CSF2RB: variants seen among roughly 807,000 people sequenced by gnomAD.
The protein encoded by CSF2RB is colony stimulating factor 2 receptor subunit beta, also known as cytokine receptor common subunit beta.
A neutral mutation model predicts 67.2 loss-of-function variants in CSF2RB; 22 were observed. The observed-to-expected ratio is 0.33, with a 90% confidence interval of 0.23 to 0.47. The LOEUF (loss-of-function observed/expected upper bound fraction) is 0.47, where lower values mean the gene tolerates loss of function less well. Among genes scored for constraint, CSF2RB ranks in the 20% least tolerant of loss-of-function variants. The probability of loss-of-function intolerance (pLI) is 1.00; values close to 1 mark genes in which losing one functional copy is unlikely to be tolerated. For missense variants in CSF2RB, 1,113 were observed against 1,174.5 expected (o/e 0.95, Z 0.76); for synonymous variants, 507 against 482.9 (o/e 1.05, Z -0.65).
chr22:36,920,835 T>C (rs1940843407), intron 1 of CSF2RB, among the ~76,000 whole-genome samples: 1 of 152,216 alleles, frequency 6.6e-6, no homozygotes, highest in Admixed American at 6.5e-5. Context: ...TGGTGTAAAA[T>C]GGGGTTTTAG....
chr22:36,940,395 A>G lies in CSF2RB; in HGVS notation c.*1893A>G, dbSNP rs1316341681. ...GATATTAATTCCAAAATATCCAGAC[A>G]TTGTTAAAGGGAAAAAATTGCAATA... On this transcript the variant is annotated 3_prime_UTR_variant, in exon 14 of 14. Coordinates refer to ENST00000403662, the MANE Select transcript of CSF2RB (RefSeq NM_000395.3). 6.6e-6 allele frequency: 1 copy of G among 152,254 alleles called. No homozygotes were observed. The highest frequency in any genetic ancestry group is 1.5e-5 in the Non-Finnish European group (1 of 68,052). The allele number at this position is 152,254 out of a possible 1,614,324, so 9.4% of individuals were successfully genotyped here.
chr22:36,916,753 G>C (rs767238482), intron 1 of CSF2RB, among the ~76,000 whole-genome samples: 2 of 152,114 alleles, frequency 1.3e-5, no homozygotes, highest in African/African-American at 2.4e-5. Flanking sequence ...CAGCTACTTG[G>C]GATGCTGAAG....
chr22:36,936,027 C>T (rs1941258896), intron 12 of CSF2RB, among the ~76,000 whole-genome samples: 1 of 152,168 alleles, frequency 6.6e-6, no homozygotes, highest in African/African-American at 2.4e-5. Flanking sequence ...GGACAAGATA[C>T]CTGGGCTGAG....
chr22:36,922,861 A>G (rs377571537), intron 2 of CSF2RB: 14 of 336,974 alleles, frequency 4.2e-5, no homozygotes, highest in African/African-American at 2.6e-4. Flanking sequence ...GCAGGGTAGA[A>G]CTCTGCCACG....
Position 36,933,865 on chromosome 22 carries a change from A to T in CSF2RB, c.1186A>T (p.Ser396Cys). Residue 396 changes from serine to cysteine, a missense_variant, in exon 10 of 14, where the codon AGC (serine) becomes TGC (cysteine). Physicochemically the swap from Ser to Cys is moderately radical, Grantham distance 112 (BLOSUM62 -1). This residue lies in a region of CSF2RB where 559 missense variants were observed against 656.5 expected (regional missense o/e 0.85). Transcript: ENST00000403662. Reference sequence around the variant, plus strand: ...GACCGAGACCCTCCAGAACGCCCACAGCATGGCCCTGCCAGCCCTGGAGCC... The same window carrying T: ...GACCGAGACCCTCCAGAACGCCCACTGCATGGCCCTGCCAGCCCTGGAGCC... ...SKTETLQNAHSMALPALEPST... is the reference protein window; with the variant it reads ...SKTETLQNAHCMALPALEPST... 6.2e-7 allele frequency: 1 copy of T among 1,610,562 alleles called. No individual in the cohort carries two copies. Among genetic ancestry groups the T allele is most frequent in the Non-Finnish European group, 8.5e-7 (1 of 1,179,878 alleles).
intron 1 of CSF2RB, 52 bp from the exon 2 acceptor site, chr22:36,921,984 T>C (rs1463272549): frequency 6.7e-6 from 4 of 597,220 alleles, no homozygotes; most frequent in Non-Finnish European, 1.2e-5. Flanking sequence ...GCGGTGTCCC[T>C]GGGACACGTG....
intron 4 of CSF2RB, among the ~76,000 whole-genome samples, chr22:36,928,600 G>A (rs1197616066): frequency 2.0e-5 from 3 of 152,186 alleles, no homozygotes; most frequent in African/African-American, 4.8e-5. Flanking sequence ...ATCAGGTGCC[G>A]TGTCTTCATT....
chr22:36,922,310 C>T (rs2145781382), intron 2 of CSF2RB, 27 bp downstream of exon 2: 1 of 1,554,562 alleles, frequency 6.4e-7, no homozygotes, highest in Non-Finnish European at 8.7e-7. Context: ...CCACCCACTT[C>T]CCTGTCCCTG....
chr22:36,916,905 T>C (rs1016755181), intron 1 of CSF2RB, among the ~76,000 whole-genome samples: 3 of 152,166 alleles, frequency 2.0e-5, no homozygotes, highest in Non-Finnish European at 4.4e-5. Context: ...AAATTCCTTT[T>C]TGGAATTTTC....
Position 36,929,620 on chromosome 22 carries a change from A to G in CSF2RB, c.550-19A>G, listed in dbSNP as rs1435981274. 1 of 1,614,060 alleles carries G rather than the reference A, an allele frequency of 6.2e-7. No homozygotes were observed. ...GGATGGGCAGCACCCCTCCTCCAGC[A>G]CCCACTGTCTCCTGACAGGACGCAG... is the stretch of plus-strand genomic sequence containing the variant. On this transcript the variant is annotated intron_variant, in intron 5 of 13. Coordinates refer to ENST00000403662, the MANE Select transcript of CSF2RB (RefSeq NM_000395.3).
Position 36,939,363 on chromosome 22 carries a change from G to A in CSF2RB, c.*861G>A, listed in dbSNP as rs981957087. 17 of 683,198 alleles carry A rather than the reference G, an allele frequency of 2.5e-5. No individual in the cohort carries two copies. Among genetic ancestry groups the A allele is most frequent in the African/African-American group, 1.8e-4 (10 of 56,420 alleles). The allele number at this position is 683,198 out of a possible 1,614,324, so 42.3% of individuals were successfully genotyped here. Reference sequence around the variant, plus strand: ...AGTCAGGGGAAACTGCCAAACAAAGGAAAATGCCCCAAAGGCATATATGCT... The same window carrying A: ...AGTCAGGGGAAACTGCCAAACAAAGAAAAATGCCCCAAAGGCATATATGCT... On this transcript the variant is annotated 3_prime_UTR_variant, in exon 14 of 14. Transcript: ENST00000403662.
intron 12 of CSF2RB, among the ~76,000 whole-genome samples, chr22:36,935,916 G>A (rs948806115): frequency 6.6e-6 from 1 of 152,204 alleles, no homozygotes; most frequent in Non-Finnish European, 1.5e-5. Flanking sequence ...GAGCCCAGTG[G>A]AGAGAACTGA....
rs536866197 is a variant in CSF2RB at position 36,924,762 on chromosome 22, G to A, written c.201-1225G>A. Among the ~76,000 whole-genome samples, 749 of 152,226 alleles carry A rather than the reference G, an allele frequency of 4.9e-3. 5 individuals carry two copies. The highest frequency in any genetic ancestry group is 0.018 in the African/African-American group (731 of 41,534). ...GCCCCTGACAAGGAGGACCACCGCG[G>A]CCTCCCTGCAGTTTCTCTTGCACCT... On this transcript the variant is annotated intron_variant, in intron 3 of 13. Coordinates refer to ENST00000403662, the MANE Select transcript of CSF2RB (RefSeq NM_000395.3).
Position 36,939,242 on chromosome 22 carries a change from G to T in CSF2RB, c.*740G>T. ...GACCTCCAGTCCCTTGAGACCCCAC[G>T]TCATGTAGAGAAGTTAACGGCCCAA... On this transcript the variant is annotated 3_prime_UTR_variant, in exon 14 of 14. Transcript: ENST00000403662. 1 of 702,352 alleles carries T rather than the reference G, an allele frequency of 1.4e-6. No homozygotes were observed. Among genetic ancestry groups the T allele is most frequent in the Non-Finnish European group, 2.6e-6 (1 of 384,840 alleles). 43.5% of individuals were successfully genotyped at this position (702,352 alleles called of 1,614,324 possible). A position where few individuals can be genotyped will look rare whatever the true frequency, so the allele number is the denominator to read the frequency against.
At chr22:36,923,168 C>G (rs1940919884) in intron 2 of CSF2RB, 76 bp from the exon 3 acceptor site, 1 of 1,611,244 alleles carries the variant, frequency 6.2e-7, no homozygotes, top group East Asian at 2.2e-5. Flanking sequence ...GCGGGACATC[C>G]CAAAGCAGCT....
intron 8 of CSF2RB, among the ~76,000 whole-genome samples, chr22:36,932,338 G>A (rs1330045955): frequency 2.0e-5 from 3 of 151,574 alleles, no homozygotes; most frequent in Non-Finnish European, 4.4e-5. Flanking sequence ...GGGAGGCTGA[G>A]GCAGGAGAAT....
Position 36,938,745 on chromosome 22 carries a change from T to C in CSF2RB, c.*243T>C. On this transcript the variant is annotated 3_prime_UTR_variant, in exon 14 of 14. Coordinates refer to ENST00000403662, the MANE Select transcript of CSF2RB (RefSeq NM_000395.3). ...CATTTTTCCTGTCAGGTTAACTTATTTGTAGGTTCTGCATTATTAGAACTT... is the reference window on the plus strand; with the variant it reads ...CATTTTTCCTGTCAGGTTAACTTATCTGTAGGTTCTGCATTATTAGAACTT... 1.8e-6 allele frequency: 1 copy of C among 566,348 alleles called. No homozygotes were observed. Among genetic ancestry groups the C allele is most frequent in the Non-Finnish European group, 3.1e-6 (1 of 320,974 alleles). The allele number at this position is 566,348 out of a possible 1,614,324, so 35.1% of individuals were successfully genotyped here.
In CSF2RB at chr22:36,930,432, G is replaced by A. The variant is rs986540208; in HGVS notation, c.776G>A (p.Ser259Asn). 1.9e-6 allele frequency: 3 copies of A among 1,613,680 alleles called. No homozygotes were observed. The highest frequency in any genetic ancestry group is 2.7e-5 in the African/African-American group (2 of 74,902). Residue 259 changes from serine (S) to asparagine (N), a missense_variant, in exon 7 of 14, where the codon AGC becomes AAC. This residue lies in a region of CSF2RB where 559 missense variants were observed against 656.5 expected (regional missense o/e 0.85). Transcript: ENST00000403662. ...TTCTTTGACGGGGCCGCCGTGCTCA[G>A]CTGCTCCTGGGAGGTGAGGAAGGAG... ...ECFFDGAAVL[S>N]CSWEVRKEVA...
rs182447849 is a variant in CSF2RB, at chr22:36,920,715, C to G, written c.-172-1321C>G. Among the ~76,000 whole-genome samples, 427 of 152,276 alleles carry G rather than the reference C, an allele frequency of 2.8e-3. 1 individual carries two copies. The highest frequency in any genetic ancestry group is 9.8e-3 in the African/African-American group (406 of 41,536). On this transcript the variant is annotated intron_variant, in intron 1 of 13. Transcript: ENST00000403662. ...CCAGCCTTTGTCTCTGTGATGTCTC[C>G]TATGCTTTTAAGCTTAAAGAGTTCA...
Sources: allele counts gnomAD v4.1 joint callset (sites outside exome capture counted in the v4.1 genomes callset), GRCh38; gene constraint gnomAD v4.1.1; regional missense constraint gnomAD v4.1.1; transcripts MANE v1.5; gene names NCBI Gene and HGNC (gene_info 2026-07-23, HGNC 2026-07-21).